Variants in DGKB observed in about 807,000 individuals in gnomAD.
DGKB encodes 90 kDa diacylglycerol kinase.
In DGKB, 67 loss-of-function variants were observed where a neutral mutation model predicts 114.3. The observed-to-expected ratio is 0.59, with a 90% CI of 0.48 to 0.72. The LOEUF (loss-of-function observed/expected upper bound fraction) is 0.72, where lower values mean the gene tolerates loss of function less well. DGKB is among the 30% of genes least tolerant of loss of function. The pLI is 0.00. For missense variants in DGKB, 907 were observed against 975.2 expected (o/e 0.93, Z 0.93); for synonymous variants, 398 against 323.1 (o/e 1.23, Z -2.49).
chr7:14,825,882 A>C (rs762623492), intron 2 of DGKB, among the ~76,000 whole-genome samples: 1 of 152,186 alleles, frequency 6.6e-6, no homozygotes, highest in Non-Finnish European at 1.5e-5. Context: ...ACAAATGATA[A>C]ACTATTAGGA....
intron 2 of DGKB, among the ~76,000 whole-genome samples, chr7:14,771,259 G>A (rs907218242): frequency 1.3e-5 from 2 of 152,078 alleles, no homozygotes; most frequent in South Asian, 2.1e-4. Context: ...TAGCTAAGAA[G>A]GTATACAAGC....
chr7:14,917,070 T>C (rs766062234), intron 1 of DGKB, among the ~76,000 whole-genome samples: 7 of 152,094 alleles, frequency 4.6e-5, no homozygotes, highest in Non-Finnish European at 1.0e-4. Context: ...AATTTTAAAA[T>C]ATTTTAAACT....
chr7:14,825,746 C>T (rs1346231350), intron 2 of DGKB, among the ~76,000 whole-genome samples: 1 of 152,092 alleles, frequency 6.6e-6, no homozygotes, highest in Admixed American at 6.6e-5. Context: ...CAACTAAGCT[C>T]TCCATAAATA....
intron 21 of DGKB, among the ~76,000 whole-genome samples, chr7:14,413,254 C>G (rs9639189): frequency 0.75 from 113,747 of 151,576 alleles, 43,268 homozygotes; most frequent in Middle Eastern, 0.82. Context: ...GGCACAGAAA[C>G]AGACTGATGT....
intron 9 of DGKB, among the ~76,000 whole-genome samples, chr7:14,689,196 C>CTTTTTTTTTTTTTTTTTT (rs1554599070): frequency 2.4e-4 from 19 of 80,298 alleles, no homozygotes; most frequent in East Asian, 5.8e-4. Context: ...AGAAACTCCT[C>CTTTTTTTTTTTTTTTTTT]TTATTTTTTT....
At chr7:14,778,980 A>AC (rs1838657824) in intron 2 of DGKB, among the ~76,000 whole-genome samples, 2 of 152,034 alleles carry the variant, frequency 1.3e-5, no homozygotes, top group African/African-American at 4.8e-5. Context: ...ACATGGTGAA[A>AC]CCCCACCTCT....
At chr7:14,733,778 G>GAAAGAAAGA (rs766452135) in intron 5 of DGKB, among the ~76,000 whole-genome samples, 2,895 of 144,912 alleles carry the variant, frequency 0.02, 44 homozygotes, top group East Asian at 0.038. Context: ...AGAAAGAAAG[G>GAAAGAAAGA]AAGAAAGAAA....
chr7:14,924,838 CTTTACAAT>C (rs1784674290), intron 1 of DGKB, among the ~76,000 whole-genome samples: 1 of 152,100 alleles, frequency 6.6e-6, no homozygotes, highest in Admixed American at 6.5e-5. Flanking sequence ...TCATGGGAAA[CTTTACAAT>C]TTTATTACAT....
chr7:14,750,641 T>A (rs1238154581), intron 4 of DGKB, among the ~76,000 whole-genome samples: 2 of 152,228 alleles, frequency 1.3e-5, no homozygotes, highest in East Asian at 3.9e-4. Context: ...ATAGAGAATT[T>A]AACTTGTTCA....
chr7:14,668,889 G>A (rs1818490796), intron 13 of DGKB, among the ~76,000 whole-genome samples: 1 of 152,056 alleles, frequency 6.6e-6, no homozygotes, highest in Non-Finnish European at 1.5e-5. Flanking sequence ...AGACTGGGCT[G>A]TGCCTATTCC....
chr7:14,709,814 G>A (rs1332159490), intron 6 of DGKB, among the ~76,000 whole-genome samples: 2 of 126,876 alleles, frequency 1.6e-5, no homozygotes, highest in Admixed American at 1.7e-4. Context: ...TGGGGACTGT[G>A]GTGGGGTGGG....
At chr7:14,343,347 T>C (rs1453424834) in intron 22 of DGKB, among the ~76,000 whole-genome samples, 1 of 151,822 alleles carries the variant, frequency 6.6e-6, no homozygotes, top group Non-Finnish European at 1.5e-5. Context: ...CCAAGAAACA[T>C]AACTTAGTTC....
intron 21 of DGKB, among the ~76,000 whole-genome samples, chr7:14,477,798 A>G (rs1170187196): frequency 1.3e-5 from 2 of 152,172 alleles, no homozygotes; most frequent in Admixed American, 6.5e-5. Context: ...TACACTTAGC[A>G]TTATCAAATC....
intron 21 of DGKB, among the ~76,000 whole-genome samples, chr7:14,467,571 A>G (rs1181250966): frequency 6.6e-6 from 1 of 152,156 alleles, no homozygotes; most frequent in East Asian, 1.9e-4. Context: ...ACATATCCCA[A>G]TATGAAAACA....
intron 1 of DGKB, among the ~76,000 whole-genome samples, chr7:14,843,025 T>C (rs917814770): frequency 6.6e-6 from 1 of 151,904 alleles, no homozygotes; most frequent in Non-Finnish European, 1.5e-5. Context: ...CTGGACAACA[T>C]AACGAGACCC....
At chr7:14,527,562 T>C (rs1165483620) in intron 20 of DGKB, among the ~76,000 whole-genome samples, 1 of 152,226 alleles carries the variant, frequency 6.6e-6, no homozygotes. Context: ...ACTGAAAATA[T>C]TCTCCAGATC....
chr7:14,954,555 G>T (rs547469299), intron 1 of DGKB, among the ~76,000 whole-genome samples: 1 of 151,916 alleles, frequency 6.6e-6, no homozygotes, highest in Non-Finnish European at 1.5e-5. Context: ...AAATTTGAAG[G>T]TTAGAAGATT....
At chr7:14,378,652 T>C (rs537246556) in intron 21 of DGKB, among the ~76,000 whole-genome samples, 1 of 152,248 alleles carries the variant, frequency 6.6e-6, no homozygotes, top group African/African-American at 2.4e-5. Context: ...TAATTTGCAT[T>C]AGAGACTGAC....
intron 1 of DGKB, among the ~76,000 whole-genome samples, chr7:14,938,849 T>C (rs368589958): frequency 6.6e-6 from 1 of 152,168 alleles, no homozygotes; most frequent in Non-Finnish European, 1.5e-5. Flanking sequence ...ATTAAAAGCA[T>C]AGGTGTCAGC....
Sources: gnomAD v4.1 joint callset for allele counts (sites outside exome capture counted in the v4.1 genomes callset) on GRCh38, gnomAD v4.1.1 for gene constraint, MANE v1.5 for transcripts, NCBI Gene and HGNC (gene_info 2026-07-23, HGNC 2026-07-21) for gene names.